Variants in CTCF observed in about 807,000 individuals in gnomAD.
The protein encoded by CTCF is transcriptional repressor CTCF.
In CTCF, 7 loss-of-function variants were observed where a neutral mutation model predicts 72.3. The observed-to-expected ratio is 0.10, with a 90% CI of 0.06 to 0.18. The LOEUF is 0.18. Ranked by LOEUF, CTCF falls within the 10% of genes least tolerant of loss-of-function variation. The pLI, the probability that CTCF is intolerant of heterozygous loss-of-function variation, is 1.00. For synonymous variants in CTCF, 374 were observed against 315.8 expected (o/e 1.18, Z -1.95); for missense variants, 516 against 949.1 (o/e 0.54, Z 6.00).
chr16:67,636,930 G>A, intron 11 of CTCF, 79 bp downstream of exon 11: 1 of 1,278,866 alleles, frequency 7.8e-7, no homozygotes, highest in Non-Finnish European at 1.0e-6. Context: ...TTGTTCTTTG[G>A]GGATGTGGGA....
At chr16:67,581,246 A>C (rs1327509699) in intron 2 of CTCF, among the ~76,000 whole-genome samples, 1 of 151,672 alleles carries the variant, frequency 6.6e-6, no homozygotes, top group Non-Finnish European at 1.5e-5. Flanking sequence ...CTTATTTTTA[A>C]TTAGGTTGGA....
rs757199240 is a variant in CTCF at position 67,620,771 on chromosome 16, C to T, written c.1161C>T (p.Ala387=). The T allele has an allele frequency of 9.4e-6, 15 of 1,604,138 alleles. No homozygotes were observed. The African/African-American group carries it at 1.7e-4, about 19-fold the overall frequency. ...TTCAGTGCAGTTTGTGCAGTTATGC[C>T]AGCAGGGACACATACAAGCTGAAAA... The part of the protein sequence containing the change: ...RPFQCSLCSY[A]SRDTYKLKRH... The change falls in exon 6 of 12, where the codon GCC becomes GCT. Residue 387 remains alanine (A), a synonymous_variant. Transcript: ENST00000264010.
intron 2 of CTCF, among the ~76,000 whole-genome samples, chr16:67,598,142 A>AT (rs781309403): frequency 6.6e-6 from 1 of 151,838 alleles, no homozygotes; most frequent in Non-Finnish European, 1.5e-5. Context: ...CACCTGACTA[A>AT]TTTTTTAAAG....
intron 2 of CTCF, among the ~76,000 whole-genome samples, chr16:67,598,644 T>TTTTGGAAAAGCTTTTCCAAGA (rs1474007176): frequency 1.2e-4 from 19 of 152,250 alleles, no homozygotes; most frequent in Non-Finnish European, 2.5e-4. Context: ...TCCAAGTATT[T>TTTTGGAAAAGCTTTTCCAAGA]AACTCCCAGT....
chr16:67,609,783 C>T (rs55760576), intron 2 of CTCF, among the ~76,000 whole-genome samples: 6,357 of 152,150 alleles, frequency 0.042, 140 homozygotes, highest in Non-Finnish European at 0.055. Flanking sequence ...CCACCACGCC[C>T]GGCTAATTTT....
Position 67,638,417 on chromosome 16 carries a change from C to G in CTCF, c.*545C>G, listed in dbSNP as rs1351670034. ...TTCTTGGCAAAGTTTCTGGTATGGT[C>G]AAGCTTGTAAATAACTTTTTTTACA... On this transcript the variant is annotated 3_prime_UTR_variant, in exon 12 of 12. Transcript: ENST00000264010. 3 of 225,394 alleles carry G rather than the reference C, an allele frequency of 1.3e-5. No individual in the cohort carries two copies. The highest frequency in any genetic ancestry group is 6.7e-5 in the African/African-American group (3 of 44,876). 14.0% of individuals were successfully genotyped at this position (225,394 alleles called of 1,614,324 possible). A position where few individuals can be genotyped will look rare whatever the true frequency, so the allele number is the denominator to read the frequency against.
chr16:67,591,281 G>A (rs1310963974), intron 2 of CTCF, among the ~76,000 whole-genome samples: 2 of 152,134 alleles, frequency 1.3e-5, no homozygotes. Context: ...GACAGAGCGA[G>A]ACTCTGTCTC....
chr16:67,607,398 A>G (rs949593525), intron 2 of CTCF, among the ~76,000 whole-genome samples: 1 of 151,758 alleles, frequency 6.6e-6, no homozygotes, highest in Non-Finnish European at 1.5e-5. Flanking sequence ...CTCCACCTCC[A>G]GGGTTCAAGT....
intron 2 of CTCF, among the ~76,000 whole-genome samples, chr16:67,594,506 G>T (rs185414386): frequency 6.6e-6 from 1 of 152,164 alleles, no homozygotes. Context: ...TTCGAGAACA[G>T]CCTGGGCAAC....
chr16:67,586,649 C>G (rs933795334), intron 2 of CTCF, among the ~76,000 whole-genome samples: 1 of 145,302 alleles, frequency 6.9e-6, no homozygotes, highest in Admixed American at 6.9e-5. Flanking sequence ...GACTGTGTCT[C>G]AAAAAAAAAA....
At chr16:67,566,632 A>T (rs2051346826) in intron 1 of CTCF, among the ~76,000 whole-genome samples, 1 of 149,732 alleles carries the variant, frequency 6.7e-6, no homozygotes, top group African/African-American at 2.5e-5. Context: ...GCTGGAGTGC[A>T]GGGGCACGAT....
At chr16:67,611,754 A>T in intron 3 of CTCF, 141 bp downstream of exon 3, 1 of 1,029,780 alleles carries the variant, frequency 9.7e-7, no homozygotes, top group Non-Finnish European at 1.4e-6. Context: ...CCAGTCTAAA[A>T]TAAGTTTTTT....
In CTCF at chr16:67,638,157, A is replaced by G; in HGVS notation, c.*285A>G. 2.8e-6 allele frequency: 1 copy of G among 350,934 alleles called. No individual in the cohort carries two copies. Among genetic ancestry groups the G allele is most frequent in the Non-Finnish European group, 5.2e-6 (1 of 193,458 alleles). The allele number at this position is 350,934 out of a possible 1,614,324, so 21.7% of individuals were successfully genotyped here. A position where few individuals can be genotyped will look rare whatever the true frequency, so the allele number is the denominator to read the frequency against. On this transcript the variant is annotated 3_prime_UTR_variant, in exon 12 of 12. Coordinates refer to ENST00000264010, the MANE Select transcript of CTCF (RefSeq NM_006565.4). ...CTCGTTTTCCTAGATGGAAACGGAGACATTGACCCCTCCCTCCATGTGGTA... is the reference window on the plus strand; with the variant it reads ...CTCGTTTTCCTAGATGGAAACGGAGGCATTGACCCCTCCCTCCATGTGGTA...
intron 2 of CTCF, among the ~76,000 whole-genome samples, chr16:67,597,309 C>T (rs1252298202): frequency 6.6e-6 from 1 of 151,982 alleles, no homozygotes; most frequent in Non-Finnish European, 1.5e-5. Context: ...GTTTGAATTA[C>T]AGGCGTAAGT....
intron 2 of CTCF, among the ~76,000 whole-genome samples, chr16:67,603,898 G>A (rs1240179683): frequency 1.3e-5 from 2 of 151,508 alleles, no homozygotes; most frequent in South Asian, 2.1e-4. Flanking sequence ...GGAGGCTGAG[G>A]CGGGCAGATG....
At chr16:67,562,991 G>A (rs2051297544) in intron 1 of CTCF, among the ~76,000 whole-genome samples, 2 of 146,848 alleles carry the variant, frequency 1.4e-5, no homozygotes, top group Admixed American at 6.8e-5. Context: ...GGCGGCAGAG[G>A]CAGAGGCCCG....
intron 2 of CTCF, among the ~76,000 whole-genome samples, chr16:67,597,734 C>A (rs534873929): frequency 6.6e-6 from 1 of 152,112 alleles, no homozygotes; most frequent in Non-Finnish European, 1.5e-5. Context: ...TTTCTGGTAC[C>A]TTTTATGCAG....
chr16:67,564,227 T>G (rs2051315169), intron 1 of CTCF, among the ~76,000 whole-genome samples: 1 of 152,216 alleles, frequency 6.6e-6, no homozygotes, highest in Non-Finnish European at 1.5e-5. Context: ...ATTGCGGGAG[T>G]CTTTTGCTTT....
intron 2 of CTCF, among the ~76,000 whole-genome samples, chr16:67,595,286 T>C (rs949811127): frequency 2.0e-5 from 3 of 151,974 alleles, no homozygotes; most frequent in African/African-American, 7.2e-5. Context: ...GCTTCTCAAG[T>C]AGCTGGAACT....
Sources: allele counts gnomAD v4.1 joint callset (sites outside exome capture counted in the v4.1 genomes callset), GRCh38; gene constraint gnomAD v4.1.1; transcripts MANE v1.5; gene names NCBI Gene and HGNC (gene_info 2026-07-23, HGNC 2026-07-21).